SDK1: variants seen among roughly 807,000 people sequenced by gnomAD.
The protein encoded by SDK1 is protein sidekick-1.
Under a neutral mutation model 245.5 loss-of-function variants are expected in SDK1, and 157 were observed. That is an observed-to-expected ratio of 0.64 (90% confidence interval 0.56 to 0.73). SDK1 has a LOEUF of 0.73. Among genes scored for constraint, SDK1 ranks in the 30% least tolerant of loss-of-function variants. SDK1 has a pLI of 0.00. For missense variants in SDK1, 3,583 were observed against 3,002.3 expected (o/e 1.19, Z -4.52); for synonymous variants, 1,647 against 1,278.5 (o/e 1.29, Z -6.15).
rs1034223403 is a variant in SDK1, at chr7:4,265,524, T to C, written c.*140T>C. On this transcript the variant is annotated 3_prime_UTR_variant, in exon 45 of 45. Transcript: ENST00000404826. ...TCTGATAAGTGATGATTTTACCTAC[T>C]TGTGGACACTAGATTTCAATTAGGA... is the stretch of plus-strand genomic sequence containing the variant. 7.4e-7 allele frequency: 1 copy of C among 1,356,072 alleles called. No individual in the cohort carries two copies. The highest frequency in any genetic ancestry group is 1.5e-5 in the African/African-American group (1 of 64,962). 84.0% of individuals were successfully genotyped at this position (1,356,072 alleles called of 1,614,324 possible). A position where few individuals can be genotyped will look rare whatever the true frequency, so the allele number is the denominator to read the frequency against.
intron 4 of SDK1, among the ~76,000 whole-genome samples, chr7:3,776,526 C>T (rs573542457): frequency 4.6e-5 from 7 of 152,232 alleles, no homozygotes; most frequent in African/African-American, 7.2e-5. Context: ...TATATGTCTT[C>T]GTCACCTATC....
chr7:3,364,993 T>A (rs1209102994), intron 1 of SDK1, among the ~76,000 whole-genome samples: 8 of 152,358 alleles, frequency 5.3e-5, no homozygotes, highest in Non-Finnish European at 1.5e-5. Context: ...TCGGTAGCTT[T>A]ACACTTAAGA....
intron 1 of SDK1, among the ~76,000 whole-genome samples, chr7:3,456,387 G>A (rs1479063582): frequency 6.6e-6 from 1 of 152,080 alleles, no homozygotes; most frequent in Non-Finnish European, 1.5e-5. Flanking sequence ...CAGGCTCTGA[G>A]GTTCAGTCAT....
chr7:3,995,803 A>G (rs542744577), intron 14 of SDK1, among the ~76,000 whole-genome samples: 46 of 138,806 alleles, frequency 3.3e-4, no homozygotes, highest in African/African-American at 1.2e-3. Flanking sequence ...CCATTTATCT[A>G]TCCAAGGCCT....
intron 5 of SDK1, among the ~76,000 whole-genome samples, chr7:3,948,801 C>G (rs575558449): frequency 1.3e-5 from 2 of 152,360 alleles, no homozygotes; most frequent in African/African-American, 4.8e-5. Context: ...CCATTCTCCT[C>G]AGGCGTCCTC....
chr7:3,609,792 C>T (rs1396008135), intron 1 of SDK1, among the ~76,000 whole-genome samples: 1 of 151,794 alleles, frequency 6.6e-6, no homozygotes, highest in Non-Finnish European at 1.5e-5. Context: ...CCTTTGCCTC[C>T]TGGGTTCAAG....
chr7:4,109,637 A>T (rs1466063962), intron 22 of SDK1, among the ~76,000 whole-genome samples: 2 of 152,212 alleles, frequency 1.3e-5, no homozygotes, highest in Admixed American at 6.5e-5. Flanking sequence ...GGGGCTGCAG[A>T]GATCTCCAAA....
intron 1 of SDK1, among the ~76,000 whole-genome samples, chr7:3,317,029 A>G (rs1396095407): frequency 6.6e-6 from 1 of 151,598 alleles, no homozygotes; most frequent in African/African-American, 2.4e-5. Flanking sequence ...AACGTACAAA[A>G]ACTTAGCTGA....
chr7:4,023,842 T>C (rs1424738722), intron 17 of SDK1, among the ~76,000 whole-genome samples: 1 of 152,244 alleles, frequency 6.6e-6, no homozygotes, highest in Non-Finnish European at 1.5e-5. Context: ...CTGTGAAGTT[T>C]TCAGGTGAAC....
chr7:4,204,166 C>T (rs1282341737), intron 35 of SDK1, among the ~76,000 whole-genome samples: 1 of 152,264 alleles, frequency 6.6e-6, no homozygotes, highest in Non-Finnish European at 1.5e-5. Flanking sequence ...TTGCCTTTCA[C>T]ATTTTAATTG....
chr7:3,413,184 A>C (rs946027014), intron 1 of SDK1, among the ~76,000 whole-genome samples: 2 of 152,196 alleles, frequency 1.3e-5, no homozygotes, highest in African/African-American at 2.4e-5. Context: ...TGGCAGTAGC[A>C]GGAACAACAA....
intron 23 of SDK1, 65 bp downstream of exon 23, chr7:4,110,837 T>C (rs910355271): frequency 6.1e-5 from 66 of 1,088,762 alleles, no homozygotes; most frequent in East Asian, 2.6e-4. Context: ...GTGCCTTCTG[T>C]TGGCAATAGT....
intron 1 of SDK1, among the ~76,000 whole-genome samples, chr7:3,379,188 C>A (rs61445469): frequency 6.6e-6 from 1 of 152,124 alleles, no homozygotes; most frequent in African/African-American, 2.4e-5. Context: ...CTTTATTGTG[C>A]GGGGCAATGT....
chr7:3,986,603 G>T (rs557397013), intron 13 of SDK1, among the ~76,000 whole-genome samples: 16 of 152,230 alleles, frequency 1.1e-4, no homozygotes, highest in African/African-American at 3.6e-4. Context: ...GCTCACGCCT[G>T]TAATCCCAGC....
intron 4 of SDK1, among the ~76,000 whole-genome samples, chr7:3,673,811 T>G (rs1783799310): frequency 6.6e-6 from 1 of 152,210 alleles, no homozygotes; most frequent in African/African-American, 2.4e-5. Context: ...ACATACACAT[T>G]GGTTTTGTTT....
chr7:3,523,237 A>T (rs891351755), intron 1 of SDK1, among the ~76,000 whole-genome samples: 1 of 152,196 alleles, frequency 6.6e-6, no homozygotes, highest in Non-Finnish European at 1.5e-5. Flanking sequence ...GCATTTGCAA[A>T]TCATAAATTA....
chr7:3,537,172 A>G (rs531459789), intron 1 of SDK1, among the ~76,000 whole-genome samples: 21 of 152,306 alleles, frequency 1.4e-4, no homozygotes, highest in African/African-American at 5.1e-4. Flanking sequence ...TCTGATACCT[A>G]TCATCATGGA....
intron 1 of SDK1, among the ~76,000 whole-genome samples, chr7:3,577,465 G>A (rs2128631527): frequency 6.6e-6 from 1 of 152,116 alleles, no homozygotes; most frequent in Non-Finnish European, 1.5e-5. Context: ...GACTTCATGG[G>A]CTTTCATGCC....
In SDK1 at chr7:4,259,698, C is replaced by G. The variant is rs190291690; in HGVS notation, c.6382-5426C>G. On this transcript the variant is annotated intron_variant, in intron 44 of 44. Transcript: ENST00000404826. The stretch of plus-strand genomic sequence containing the variant: ...GGTAAGCTGCCAGGTTAGCTCAAGT[C>G]AGCTCAGCCTTCGCCACCAAATGAG... 5.2e-4 allele frequency among the ~76,000 whole-genome samples: 79 copies of G among 152,308 alleles called. No homozygotes were observed. In the East Asian group the frequency reaches 0.011, roughly 21 times the overall value.
Sources: gnomAD v4.1 joint callset for allele counts (sites outside exome capture counted in the v4.1 genomes callset) on GRCh38, gnomAD v4.1.1 for gene constraint, MANE v1.5 for transcripts, NCBI Gene and HGNC (gene_info 2026-07-23, HGNC 2026-07-21) for gene names.